CRYL1: variants seen among roughly 807,000 people sequenced by gnomAD.
CRYL1 encodes the protein lambda-crystallin homolog.
In CRYL1, 29 loss-of-function variants were observed where a neutral mutation model predicts 36.6. That is an observed-to-expected ratio of 0.79 (90% CI 0.59 to 1.08). The LOEUF is 1.08. Among genes scored for constraint, CRYL1 ranks in the 50% least tolerant of loss-of-function variants. CRYL1 has a pLI of 0.00. For missense variants in CRYL1, 411 were observed against 407.9 expected, an observed-to-expected ratio of 1.01 and a Z score of -0.06; for synonymous variants, 152 against 151.5, an observed-to-expected ratio of 1.00 and a Z score of -0.02.
chr13:20,472,306 G>A (rs1219226545), intron 3 of CRYL1, among the ~76,000 whole-genome samples: 2 of 152,074 alleles, frequency 1.3e-5, no homozygotes, highest in African/African-American at 4.8e-5. Context: ...GTATTGCTTA[G>A]GGAACAATGA....
At chr13:20,421,439 T>A (rs1020372170) in intron 5 of CRYL1, among the ~76,000 whole-genome samples, 1 of 152,032 alleles carries the variant, frequency 6.6e-6, no homozygotes, top group African/African-American at 2.4e-5. Flanking sequence ...ACAAGCCCCA[T>A]ATCTGCCTAC....
rs75133945 is a variant in CRYL1 at position 20,439,532 on chromosome 13, A to G, written c.438+61T>C. On this transcript the variant is annotated intron_variant, in intron 4 of 7. Coordinates refer to ENST00000298248, the MANE Select transcript of CRYL1 (RefSeq NM_015974.3). ...TCCCCCGCAAAAAAAAAAAAAAAAG[A>G]AAAAAAAAAAACACAGAATGAGATG... The G allele has an allele frequency of 6.4e-3, 5,574 of 866,040 alleles. 32 individuals are homozygous for G. The highest frequency in any genetic ancestry group is 0.047 in the Admixed American group (859 of 18,452). 53.6% of individuals were successfully genotyped at this position (866,040 alleles called of 1,614,324 possible). A position where few individuals can be genotyped will look rare whatever the true frequency, so the allele number is the denominator to read the frequency against.
chr13:20,487,397 C>T (rs1196952481), intron 3 of CRYL1, among the ~76,000 whole-genome samples: 1 of 152,134 alleles, frequency 6.6e-6, no homozygotes, highest in East Asian at 1.9e-4. Flanking sequence ...TCAAAAAGCT[C>T]TGCATAGCAA....
intron 2 of CRYL1, 134 bp from the exon 3 acceptor site, chr13:20,489,630 G>T: frequency 1.9e-6 from 2 of 1,040,772 alleles, no homozygotes; most frequent in Non-Finnish European, 2.8e-6. Flanking sequence ...CCCATTAGGG[G>T]CTACCAAAAA....
intron 2 of CRYL1, among the ~76,000 whole-genome samples, chr13:20,502,233 T>C (rs1394606412): frequency 6.6e-5 from 10 of 152,148 alleles, no homozygotes; most frequent in African/African-American, 2.4e-4. Context: ...TGAACTTAAA[T>C]GCACTGTAGG....
chr13:20,471,300 C>A (rs573602507), intron 3 of CRYL1, among the ~76,000 whole-genome samples: 15 of 152,196 alleles, frequency 9.9e-5, no homozygotes, highest in Non-Finnish European at 1.9e-4. Flanking sequence ...AGGCCAGGCG[C>A]GGTGGCTCAC....
At chr13:20,450,634 AT>A (rs2032551037) in intron 3 of CRYL1, among the ~76,000 whole-genome samples, 1 of 152,214 alleles carries the variant, frequency 6.6e-6, no homozygotes, top group Non-Finnish European at 1.5e-5. Flanking sequence ...TAGTTCAACC[AT>A]TGTGGAAGAC....
At chr13:20,497,790 A>AACTACACACACCACATATACAT (rs2033639307) in intron 2 of CRYL1, among the ~76,000 whole-genome samples, 1 of 148,504 alleles carries the variant, frequency 6.7e-6, no homozygotes, top group Non-Finnish European at 1.5e-5. Flanking sequence ...CCATACACAC[A>AACTACACACACCACATATACAT]ACTACACACA....
At position 20,426,110 on chromosome 13, in the gene CRYL1, C is replaced by T. The variant is rs74436239; in HGVS notation, c.633+5992G>A. Reference sequence around the variant, plus strand: ...GAGGCTAAGCATGCAAGCAGGATGACAAGGGAGATCCCCTGGGGCGTCACT... The same window carrying T: ...GAGGCTAAGCATGCAAGCAGGATGATAAGGGAGATCCCCTGGGGCGTCACT... On this transcript the variant is annotated intron_variant, in intron 5 of 7. Coordinates refer to ENST00000298248, the MANE Select transcript of CRYL1 (RefSeq NM_015974.3). Among the ~76,000 whole-genome samples, 480 of 152,256 alleles carry T rather than the reference C, an allele frequency of 3.2e-3. 11 individuals carry two copies. In the East Asian group the frequency reaches 0.077, roughly 24 times the overall value.
chr13:20,459,716 G>C (rs1477625798), intron 3 of CRYL1, among the ~76,000 whole-genome samples: 1 of 152,134 alleles, frequency 6.6e-6, no homozygotes, highest in Non-Finnish European at 1.5e-5. Flanking sequence ...GTGGGAGGAG[G>C]GTGAGGACTG....
At chr13:20,517,065 C>A (rs76332641) in intron 1 of CRYL1, among the ~76,000 whole-genome samples, 3,210 of 152,068 alleles carry the variant, frequency 0.021, 63 homozygotes, top group African/African-American at 0.047. Flanking sequence ...TCAGACAGAG[C>A]AAGACCCTGT....
At chr13:20,462,594 A>G (rs996982720) in intron 3 of CRYL1, among the ~76,000 whole-genome samples, 1 of 150,658 alleles carries the variant, frequency 6.6e-6, no homozygotes, top group Non-Finnish European at 1.5e-5. Flanking sequence ...TTCCAAGGAG[A>G]GATCACAAGT....
chr13:20,474,585 G>T (rs1261846095), intron 3 of CRYL1, among the ~76,000 whole-genome samples: 1 of 105,234 alleles, frequency 9.5e-6, no homozygotes, highest in African/African-American at 2.8e-5. Flanking sequence ...GCCAAACCAA[G>T]TATTTCAAGG....
rs528115025 is a variant in CRYL1, at chr13:20,504,508, G to A, written c.149+7935C>T. On this transcript the variant is annotated intron_variant, in intron 2 of 7. Coordinates refer to ENST00000298248, the MANE Select transcript of CRYL1 (RefSeq NM_015974.3). ...TTTAGTAGAGATGGGGTTTTACTACGTTGGCCAGGCTGGTCTCGAACTCCT... is the reference window on the plus strand; with the variant it reads ...TTTAGTAGAGATGGGGTTTTACTACATTGGCCAGGCTGGTCTCGAACTCCT... Among the ~76,000 whole-genome samples the A allele has an allele frequency of 8.6e-5, 13 of 151,862 alleles. No homozygotes were observed. In the East Asian group the frequency reaches 2.1e-3, roughly 25 times the overall value.
At chr13:20,512,649 A>G in intron 1 of CRYL1, 99 bp from the exon 2 acceptor site, 1 of 784,604 alleles carries the variant, frequency 1.3e-6, no homozygotes, top group East Asian at 2.7e-5. Context: ...ACAGTATCCT[A>G]TTCTTAAAAT....
intron 3 of CRYL1, among the ~76,000 whole-genome samples, chr13:20,453,645 T>TGG (rs2032619714): frequency 6.6e-6 from 1 of 150,958 alleles, no homozygotes; most frequent in Non-Finnish European, 1.5e-5. Flanking sequence ...AAGAAAACAA[T>TGG]AAAAGTAAAA....
At chr13:20,408,072 A>G (rs940555526) in intron 6 of CRYL1, among the ~76,000 whole-genome samples, 1 of 152,328 alleles carries the variant, frequency 6.6e-6, no homozygotes, top group Non-Finnish European at 1.5e-5. Context: ...TTTTAGAGAC[A>G]GGGTTTCACA....
intron 5 of CRYL1, among the ~76,000 whole-genome samples, chr13:20,420,881 C>G (rs986919638): frequency 6.6e-6 from 1 of 151,432 alleles, no homozygotes; most frequent in Non-Finnish European, 1.5e-5. Flanking sequence ...GACTACAGGC[C>G]CGCCACCACG....
intron 1 of CRYL1, among the ~76,000 whole-genome samples, chr13:20,524,884 G>A (rs1041630262): frequency 1.3e-5 from 2 of 151,516 alleles, no homozygotes; most frequent in African/African-American, 4.9e-5. Context: ...GGAGTCGGGG[G>A]CAGGCCAACA....
Sources: allele counts gnomAD v4.1 joint callset (sites outside exome capture counted in the v4.1 genomes callset), GRCh38; gene constraint gnomAD v4.1.1; transcripts MANE v1.5; gene names NCBI Gene and HGNC (gene_info 2026-07-23, HGNC 2026-07-21).